The following GPC5 variants were observed in gnomAD, a reference collection of about 807,000 sequenced individuals.
GPC5 encodes glypican-5.
GPC5 carries 47 observed loss-of-function variants against 53.9 expected under a neutral mutation model. The ratio of observed to expected loss-of-function variants is 0.87; its 90% CI spans 0.69 to 1.11. The LOEUF is 1.11. GPC5 is among the 50% of genes most tolerant of loss of function. The pLI is 0.00. For synonymous variants in GPC5, 286 were observed against 263.3 expected (o/e 1.09, Z -0.84); for missense variants, 748 against 713.1 (o/e 1.05, Z -0.56).
intron 5 of GPC5, among the ~76,000 whole-genome samples, chr13:91,877,422 G>A (rs1391139088): frequency 1.3e-5 from 2 of 152,216 alleles, no homozygotes; most frequent in Non-Finnish European, 2.9e-5. Context: ...CCTGCCTTTT[G>A]AATCAGTGTG....
intron 7 of GPC5, among the ~76,000 whole-genome samples, chr13:92,718,544 G>A (rs904713736): frequency 6.6e-6 from 1 of 152,028 alleles, no homozygotes; most frequent in South Asian, 2.1e-4. Flanking sequence ...TGGTTATCAG[G>A]GGCTGGGAAG....
chr13:91,880,515 TAACTA>T (rs756264525), intron 5 of GPC5, among the ~76,000 whole-genome samples: 25 of 152,188 alleles, frequency 1.6e-4, no homozygotes, highest in Non-Finnish European at 3.4e-4. Context: ...GTTAAATTCT[TAACTA>T]TTTTTTATTT....
chr13:92,111,887 T>A (rs7997885), intron 6 of GPC5, among the ~76,000 whole-genome samples: 2,993 of 152,268 alleles, frequency 0.02, 104 homozygotes, highest in African/African-American at 0.069. Context: ...GGGAGGATGA[T>A]AAAAGTTTAT....
intron 2 of GPC5, among the ~76,000 whole-genome samples, chr13:91,613,577 G>A (rs1932625): frequency 0.036 from 5,463 of 152,074 alleles, 297 homozygotes; most frequent in South Asian, 0.22. Flanking sequence ...TGCGTTATTC[G>A]CAAATCTTAA....
chr13:92,631,692 C>A (rs1474801293), intron 7 of GPC5, among the ~76,000 whole-genome samples: 1 of 152,086 alleles, frequency 6.6e-6, no homozygotes, highest in East Asian at 1.9e-4. Context: ...AGAATTCTGG[C>A]AAAGGATGAG....
At chr13:91,724,190 A>G (rs1323246905) in intron 3 of GPC5, among the ~76,000 whole-genome samples, 2 of 152,236 alleles carry the variant, frequency 1.3e-5, no homozygotes, top group Admixed American at 6.5e-5. Context: ...TGAGTTATTT[A>G]ATATAATGGA....
intron 2 of GPC5, among the ~76,000 whole-genome samples, chr13:91,462,569 G>GTGAAATA (rs1369015229): frequency 6.6e-6 from 1 of 152,104 alleles, no homozygotes; most frequent in African/African-American, 2.4e-5. Context: ...CGCTGAAAAT[G>GTGAAATA]TGAAATATCG....
chr13:91,415,276 T>C (rs1878115320), intron 1 of GPC5, among the ~76,000 whole-genome samples: 1 of 152,164 alleles, frequency 6.6e-6, no homozygotes, highest in Non-Finnish European at 1.5e-5. Flanking sequence ...CCCAACAAGT[T>C]CAGTGTTCTT....
intron 1 of GPC5, among the ~76,000 whole-genome samples, chr13:91,448,286 G>A (rs1287935414): frequency 1.3e-5 from 2 of 152,158 alleles, no homozygotes; most frequent in South Asian, 2.1e-4. Flanking sequence ...CAAGCAGCAC[G>A]AGCCTGATGG....
At chr13:92,802,794 T>C (rs1186768271) in intron 7 of GPC5, among the ~76,000 whole-genome samples, 2 of 151,944 alleles carry the variant, frequency 1.3e-5, no homozygotes, top group Non-Finnish European at 2.9e-5. Flanking sequence ...ACCAGTACTA[T>C]ATCTATTTAA....
At chr13:92,229,734 A>G (rs757270633) in intron 7 of GPC5, among the ~76,000 whole-genome samples, 35 of 151,982 alleles carry the variant, frequency 2.3e-4, no homozygotes, top group Non-Finnish European at 4.7e-4. Context: ...GTTGCTTTTT[A>G]ATTTTTCAGA....
chr13:91,591,580 T>C (rs1005309740), intron 2 of GPC5, among the ~76,000 whole-genome samples: 1 of 152,186 alleles, frequency 6.6e-6, no homozygotes, highest in Non-Finnish European at 1.5e-5. Context: ...AAATATGTCA[T>C]AGATTTGGTC....
intron 2 of GPC5, among the ~76,000 whole-genome samples, chr13:91,632,806 G>A (rs959798742): frequency 1.3e-5 from 2 of 152,140 alleles, no homozygotes; most frequent in African/African-American, 2.4e-5. Context: ...ACAGGGCTAT[G>A]TCCTCCCTAA....
At chr13:92,033,631 C>G (rs2040870856) in intron 6 of GPC5, among the ~76,000 whole-genome samples, 1 of 152,074 alleles carries the variant, frequency 6.6e-6, no homozygotes, top group Non-Finnish European at 1.5e-5. Context: ...GGTTTTTTCC[C>G]TCTCCCCCAG....
At chr13:92,414,952 G>T in intron 7 of GPC5, among the ~76,000 whole-genome samples, 1 of 152,150 alleles carries the variant, frequency 6.6e-6, no homozygotes, top group Non-Finnish European at 1.5e-5. Context: ...CATTTTCGGG[G>T]ATATAGACAT....
intron 7 of GPC5, among the ~76,000 whole-genome samples, chr13:92,280,652 G>A (rs1015131858): frequency 1.3e-5 from 2 of 152,128 alleles, no homozygotes; most frequent in Admixed American, 6.5e-5. Context: ...GAGTATGACT[G>A]TATTAGAAGA....
At chr13:92,649,909 T>C (rs1885898385) in intron 7 of GPC5, among the ~76,000 whole-genome samples, 1 of 152,144 alleles carries the variant, frequency 6.6e-6, no homozygotes, top group Non-Finnish European at 1.5e-5. Context: ...TTAAAAATGC[T>C]AGGCTAGGCA....
At chr13:91,683,852 C>A (rs116178137) in intron 2 of GPC5, among the ~76,000 whole-genome samples, 3,200 of 152,234 alleles carry the variant, frequency 0.021, 107 homozygotes, top group African/African-American at 0.069. Flanking sequence ...CTCATAGCCC[C>A]CTCCAGTGCC....
intron 7 of GPC5, among the ~76,000 whole-genome samples, chr13:92,750,450 GA>G (rs922920703): frequency 2.1e-4 from 32 of 150,562 alleles, no homozygotes; most frequent in Admixed American, 1.3e-3. Context: ...AAGAGGAAAA[GA>G]AAAAAAATGA....
Sources: allele counts gnomAD v4.1 joint callset (sites outside exome capture counted in the v4.1 genomes callset), GRCh38; gene constraint gnomAD v4.1.1; transcripts MANE v1.5; gene names NCBI Gene and HGNC (gene_info 2026-07-23, HGNC 2026-07-21).